CLCN6: variants seen among roughly 807,000 people sequenced by gnomAD.
CLCN6 encodes H(+)/Cl(-) exchange transporter 6.
In CLCN6, 70 loss-of-function variants were observed where a neutral mutation model predicts 109.8. That is an observed-to-expected ratio of 0.64 (90% CI 0.53 to 0.78). The LOEUF (loss-of-function observed/expected upper bound fraction) is 0.78. CLCN6 is among the 30% of genes least tolerant of loss of function. The pLI is 0.00. For synonymous variants in CLCN6, 444 were observed against 447.8 expected, an observed-to-expected ratio of 0.99 and a Z score of 0.11; for missense variants, 984 against 1,142.3, an observed-to-expected ratio of 0.86 and a Z score of 2.00.
At chr1:11,826,443 T>C (rs1644812458) in intron 9 of CLCN6, among the ~76,000 whole-genome samples, 1 of 152,196 alleles carries the variant, frequency 6.6e-6, no homozygotes, top group South Asian at 2.1e-4. Context: ...CTCAGGCAAA[T>C]GAAGATGGTC....
Position 11,822,748 on chromosome 1 carries a change from C to G in CLCN6, c.400C>G (p.Leu134Val). ...GCLALSLLEL[L>V]GFNLTFVFLA... is the part of the protein sequence containing the mutation. ...CCTCGCTCTGTCTCTCCTTGAACTC[C>G]TGGGTTTTAACCTCACCTTTGTCTT... The change falls in exon 6 of 23, where the codon CTG becomes GTG. Residue 134 changes from leucine (L) to valine (V), a missense_variant. Coordinates refer to ENST00000346436, the MANE Select transcript of CLCN6 (RefSeq NM_001286.5). 1 of 1,614,118 alleles carries G rather than the reference C, an allele frequency of 6.2e-7. No homozygotes were observed. The highest frequency in any genetic ancestry group is 1.1e-5 in the South Asian group (1 of 91,088).
intron 2 of CLCN6, among the ~76,000 whole-genome samples, chr1:11,808,341 A>G (rs930396245): frequency 6.6e-6 from 1 of 151,402 alleles, no homozygotes; most frequent in Non-Finnish European, 1.5e-5. Flanking sequence ...CGATCCTCCC[A>G]TGTCAGCCTC....
At chr1:11,824,826 AC>A (rs1336405113) in intron 8 of CLCN6, among the ~76,000 whole-genome samples, 2 of 152,176 alleles carry the variant, frequency 1.3e-5, no homozygotes, top group African/African-American at 4.8e-5. Flanking sequence ...CATAGCCATC[AC>A]CAGGCGCCTC....
chr1:11,820,603 A>G (rs1570523948), intron 5 of CLCN6: 1 of 412,462 alleles, frequency 2.4e-6, no homozygotes, highest in Non-Finnish European at 4.6e-6. Flanking sequence ...CGTCTCTACT[A>G]AAAATACAAA....
Position 11,823,826 on chromosome 1 carries a change from G to A in CLCN6, c.573G>A (p.Val191=). 6.2e-7 allele frequency: 1 copy of A among 1,614,244 alleles called. No individual in the cohort carries two copies. The highest frequency in any genetic ancestry group is 1.3e-5 in the African/African-American group (1 of 75,072). ...LCKVLGVLFS[V]AGGLFVEKEG... is the part of the protein sequence containing the mutation. ...AGGTCCTTGGAGTGCTGTTCAGTGT[G>A]GCTGGAGGTAAGAAGGGTCCAACTT... Residue 191 remains valine, a synonymous_variant, in exon 7 of 23, where the codon GTG becomes GTA. Coordinates refer to ENST00000346436, the MANE Select transcript of CLCN6 (RefSeq NM_001286.5).
intron 9 of CLCN6, among the ~76,000 whole-genome samples, chr1:11,826,420 G>A (rs1644812058): frequency 6.6e-6 from 1 of 152,192 alleles, no homozygotes; most frequent in Non-Finnish European, 1.5e-5. Context: ...CATGCCGTAA[G>A]GCCTAGAAGC....
Position 11,834,288 on chromosome 1 carries a change from G to A in CLCN6, c.1579G>A (p.Ala527Thr), listed in dbSNP as rs1298401816. The change falls in exon 16 of 23, where the codon GCG becomes ACG. Residue 527 changes from alanine to threonine, a missense_variant. Ala to Thr is a moderately conservative substitution (Grantham distance 58). Transcript: ENST00000346436. The surrounding 1 kb of genome is among the most constrained non-coding windows in gnomAD (Gnocchi z 4.5). ...GGGGACCTTTGCCCTGATTGGTGCA[G>A]CGGCTTTCTTGGGCGGGGTGGTCCG... ...YSGTFALIGAAAFLGGVVRMT... is the reference protein window; with the variant it reads ...YSGTFALIGATAFLGGVVRMT... 12 of 1,614,152 alleles carry A rather than the reference G, an allele frequency of 7.4e-6. No individual in the cohort carries two copies. The highest frequency in any genetic ancestry group is 1.1e-5 in the South Asian group (1 of 91,082).
intron 2 of CLCN6, among the ~76,000 whole-genome samples, chr1:11,809,007 G>A (rs1402466227): frequency 4.0e-5 from 6 of 151,736 alleles, no homozygotes; most frequent in South Asian, 2.1e-4. Flanking sequence ...GATTACAGGC[G>A]CCCACCACCA....
At chr1:11,824,368 T>A in intron 7 of CLCN6, 118 bp from the exon 8 acceptor site, 1 of 681,206 alleles carries the variant, frequency 1.5e-6, no homozygotes, top group Non-Finnish European at 2.4e-6. Context: ...CTTTCTCTTA[T>A]AAAGTCTTAG....
chr1:11,834,200 G>T lies in CLCN6; in HGVS notation c.1527-36G>T. 6.2e-7 allele frequency: 1 copy of T among 1,603,388 alleles called. No individual in the cohort carries two copies. The highest frequency in any genetic ancestry group is 8.5e-7 in the Non-Finnish European group (1 of 1,174,920). The stretch of plus-strand genomic sequence containing the variant: ...GTCCTCCCCACAGCCTATCAGTGTG[G>T]TTCAAAGCCATGTTCTCGGTGTTTT... On this transcript the variant is annotated intron_variant, in intron 15 of 22. Coordinates refer to ENST00000346436, the MANE Select transcript of CLCN6 (RefSeq NM_001286.5). This position sits in a 1 kb window ranked among gnomAD's most constrained non-coding sequence, Gnocchi z 4.5.
intron 13 of CLCN6, among the ~76,000 whole-genome samples, chr1:11,830,552 TG>T (rs1441718098): frequency 6.6e-6 from 1 of 151,878 alleles, no homozygotes; most frequent in Admixed American, 6.6e-5. Flanking sequence ...ATTTTATATC[TG>T]GGACTTGAGC....
At position 11,840,162 on chromosome 1, in the gene CLCN6, G is replaced by A. The variant is rs1306420004; in HGVS notation, c.2549G>A (p.Arg850Gln). Residue 850 changes from arginine (R) to glutamine (Q), a missense_variant, in exon 23 of 23, where the codon CGG becomes CAG. Transcript: ENST00000346436. ...AVGEIVGIIT[R>Q]HNLTYEFLQA... ...CCCTAGATCGTGGGGATCATCACAC[G>A]GCACAACCTCACCTATGAATTTCTG... 1 of 1,613,860 alleles carries A rather than the reference G, an allele frequency of 6.2e-7. No homozygotes were observed. The highest frequency in any genetic ancestry group is 8.5e-7 in the Non-Finnish European group (1 of 1,180,012).
At chr1:11,836,405 A>G (rs530912773) in intron 18 of CLCN6, among the ~76,000 whole-genome samples, 52 of 152,352 alleles carry the variant, frequency 3.4e-4, no homozygotes, top group African/African-American at 1.2e-3. Context: ...AGCAGCTTTC[A>G]TGGTTTGTTT....
chr1:11,834,036 CTGTG>C lies in CLCN6; in HGVS notation c.1526+13_1526+16del, dbSNP rs771219641. Reference sequence around the variant, plus strand: ...GTTGCCAATGTCCTAAAAAGGTACTCTGTGTGTGTGCGTGTGTGTGCGCATGTGC... The same window carrying C: ...GTTGCCAATGTCCTAAAAAGGTACTCTGTGTGCGTGTGTGTGCGCATGTGC... On this transcript the variant is annotated splice_region_variant and intron_variant, in intron 15 of 22. Transcript: ENST00000346436. The surrounding 1 kb of genome is among the most constrained non-coding windows in gnomAD (Gnocchi z 4.5). 140 of 1,613,656 alleles carry C rather than the reference CTGTG, an allele frequency of 8.7e-5. No individual in the cohort carries two copies. Among genetic ancestry groups the C allele is most frequent in the Non-Finnish European group, 1.0e-4 (123 of 1,179,880 alleles).
intron 13 of CLCN6, among the ~76,000 whole-genome samples, chr1:11,830,747 A>T (rs1273051365): frequency 7.8e-6 from 1 of 127,734 alleles, no homozygotes; most frequent in African/African-American, 3.0e-5. Flanking sequence ...TTATATATAT[A>T]TATATATATA....
chr1:11,838,549 C>G lies in CLCN6; in HGVS notation c.2418C>G (p.Tyr806Ter). 1 of 1,610,882 alleles carries G rather than the reference C, an allele frequency of 6.2e-7. No individual in the cohort carries two copies. Among genetic ancestry groups the G allele is most frequent in the African/African-American group, 1.3e-5 (1 of 75,000 alleles). ...TCTCTTTGCAGGATGTCACCCCATACATGAACCCTTCGCCTTTCACCGTCT... is the reference window on the plus strand; with the variant it reads ...TCTCTTTGCAGGATGTCACCCCATAGATGAACCCTTCGCCTTTCACCGTCT... ...NPRMIVDVTP[Y>*]MNPSPFTVSP... Residue 806 changes from tyrosine (Y) to a stop codon, truncating the protein, a stop_gained, in exon 22 of 23, where the codon TAC (tyrosine) becomes TAG (stop). Coordinates refer to ENST00000346436, the MANE Select transcript of CLCN6 (RefSeq NM_001286.5). LOFTEE classifies it high-confidence loss of function.
chr1:11,818,113 A>G (rs1221745186), intron 4 of CLCN6, among the ~76,000 whole-genome samples: 1 of 152,020 alleles, frequency 6.6e-6, no homozygotes, highest in Non-Finnish European at 1.5e-5. Flanking sequence ...ATAAAAAAAA[A>G]ATTAAAAAAA....
chr1:11,831,206 G>C (rs1557430291), intron 13 of CLCN6, among the ~76,000 whole-genome samples: 1 of 151,156 alleles, frequency 6.6e-6, no homozygotes, highest in Non-Finnish European at 1.5e-5. Flanking sequence ...GCCCAAGCTG[G>C]AGTGGAGTGG....
At chr1:11,824,110 A>T (rs1644781522) in intron 7 of CLCN6, among the ~76,000 whole-genome samples, 1 of 152,254 alleles carries the variant, frequency 6.6e-6, no homozygotes, top group African/African-American at 2.4e-5. Context: ...ACAGCCAGAT[A>T]GTAAATATTT....
Sources: allele counts gnomAD v4.1 joint callset (sites outside exome capture counted in the v4.1 genomes callset), GRCh38; gene constraint gnomAD v4.1.1; non-coding constraint Gnocchi (gnomAD v3.1); transcripts MANE v1.5; gene names NCBI Gene and HGNC (gene_info 2026-07-23, HGNC 2026-07-21).